The following TTC7A variants were observed in gnomAD, a reference collection of about 807,000 sequenced individuals.
The protein encoded by TTC7A is tetratricopeptide repeat protein 7A.
TTC7A carries 110 observed loss-of-function variants against 103.7 expected under a neutral mutation model. That is an observed-to-expected ratio of 1.06 (90% CI 0.91 to 1.24). The LOEUF (loss-of-function observed/expected upper bound fraction) is 1.24. Ranked by LOEUF, TTC7A falls within the 50% of genes most tolerant of loss-of-function variation. The probability of loss-of-function intolerance (pLI) is 0.00; values close to 1 mark genes in which losing one functional copy is unlikely to be tolerated. For missense variants in TTC7A, 1,340 were observed against 1,116.3 expected, an observed-to-expected ratio of 1.20 and a Z score of -2.86; for synonymous variants, 521 against 467.9, an observed-to-expected ratio of 1.11 and a Z score of -1.47.
At chr2:47,028,649 G>A (rs1479940644) in intron 14 of TTC7A, among the ~76,000 whole-genome samples, 1 of 152,180 alleles carries the variant, frequency 6.6e-6, no homozygotes, top group Non-Finnish European at 1.5e-5. Context: ...TCCTGACCCT[G>A]CATAATCTGG....
At chr2:47,026,246 T>C (rs1679903217) in intron 14 of TTC7A, among the ~76,000 whole-genome samples, 1 of 152,078 alleles carries the variant, frequency 6.6e-6, no homozygotes, top group African/African-American at 2.4e-5. Context: ...GTGATGGCTG[T>C]GGATTTGGAT....
At chr2:46,924,236 CAAAA>C (rs754779483) in intron 2 of TTC7A, among the ~76,000 whole-genome samples, 61 of 142,624 alleles carry the variant, frequency 4.3e-4, no homozygotes, top group Non-Finnish European at 8.2e-4. Flanking sequence ...CTAAAGGAAC[CAAAA>C]AAAAAAAATC....
intron 1 of TTC7A, among the ~76,000 whole-genome samples, chr2:46,948,290 C>CT (rs34728010): frequency 6.6e-6 from 1 of 152,174 alleles, no homozygotes; most frequent in East Asian, 1.9e-4. Context: ...CAGGGAGCAA[C>CT]TTTCCCCAAG....
intron 3 of TTC7A, among the ~76,000 whole-genome samples, chr2:46,972,513 G>A (rs993363793): frequency 6.6e-6 from 1 of 152,158 alleles, no homozygotes; most frequent in Non-Finnish European, 1.5e-5. Flanking sequence ...TCTGGTACCA[G>A]CTTAACAACC....
chr2:47,027,118 G>T (rs958483787), intron 14 of TTC7A, among the ~76,000 whole-genome samples: 2 of 152,202 alleles, frequency 1.3e-5, no homozygotes, highest in Admixed American at 1.3e-4. Flanking sequence ...TTCCAGACCT[G>T]GTCACAGCCT....
At chr2:46,964,534 C>T (rs975932422) in intron 3 of TTC7A, among the ~76,000 whole-genome samples, 20 of 152,146 alleles carry the variant, frequency 1.3e-4, no homozygotes, top group African/African-American at 4.3e-4. Context: ...TCAGGCTCAC[C>T]TATGGTTCAG....
intron 10 of TTC7A, among the ~76,000 whole-genome samples, chr2:47,010,440 G>A (rs528479264): frequency 1.3e-5 from 2 of 152,328 alleles, no homozygotes; most frequent in African/African-American, 4.8e-5. Context: ...AGTGTTTGCT[G>A]CTGCTGTTCT....
chr2:46,945,237 G>A (rs1251085156), intron 1 of TTC7A, among the ~76,000 whole-genome samples: 1 of 152,114 alleles, frequency 6.6e-6, no homozygotes, highest in Admixed American at 6.6e-5. Flanking sequence ...GGGATCACAG[G>A]TGTGTATGCC....
chr2:46,992,234 G>A (rs1675706262), intron 5 of TTC7A, among the ~76,000 whole-genome samples: 3 of 152,230 alleles, frequency 2.0e-5, no homozygotes, highest in Admixed American at 2.0e-4. Flanking sequence ...GGAGCTGCTG[G>A]GTGGAGCTTT....
intron 19 of TTC7A, among the ~76,000 whole-genome samples, chr2:47,062,479 C>G (rs535798071): frequency 3.5e-4 from 53 of 152,330 alleles, no homozygotes; most frequent in African/African-American, 1.2e-3. Context: ...AAGAGGCTTC[C>G]TCCTTCCTCC....
chr2:46,974,725 G>A (rs1673684697), intron 3 of TTC7A: 7 of 588,684 alleles, frequency 1.2e-5, no homozygotes, highest in East Asian at 3.8e-5. Flanking sequence ...GTCAGGAGTG[G>A]CTTCCCCGGG....
intron 3 of TTC7A, among the ~76,000 whole-genome samples, chr2:46,967,282 G>A (rs559538098): frequency 3.9e-5 from 6 of 152,132 alleles, no homozygotes; most frequent in South Asian, 2.1e-4. Context: ...CGTACAGTTC[G>A]GTACTAAGAC....
intron 3 of TTC7A, among the ~76,000 whole-genome samples, chr2:46,958,820 G>A (rs1039537839): frequency 6.6e-5 from 10 of 152,212 alleles, no homozygotes; most frequent in Non-Finnish European, 1.0e-4. Flanking sequence ...CCCATGCAGA[G>A]TAGAGGCCAC....
intron 2 of TTC7A, among the ~76,000 whole-genome samples, chr2:46,919,585 A>G (rs116624303): frequency 0.012 from 1,809 of 152,304 alleles, 41 homozygotes; most frequent in African/African-American, 0.042. Flanking sequence ...CTATACATGA[A>G]ATTGATCAGA....
chr2:47,001,359 C>T (rs558343832), intron 8 of TTC7A, among the ~76,000 whole-genome samples: 2 of 152,288 alleles, frequency 1.3e-5, no homozygotes, highest in East Asian at 1.9e-4. Context: ...AGAGCTCAGG[C>T]AAGCAGCAGC....
chr2:47,050,155 C>G lies in TTC7A; in HGVS notation c.2017+109C>G, dbSNP rs112556892. 66 of 937,042 alleles carry G rather than the reference C, an allele frequency of 7.0e-5. No individual in the cohort carries two copies. In the African/African-American group the frequency reaches 7.9e-4, roughly 11 times the overall value. 58.0% of individuals were successfully genotyped at this position (937,042 alleles called of 1,614,324 possible). On this transcript the variant is annotated intron_variant, in intron 17 of 19. Coordinates refer to ENST00000319190, the MANE Select transcript of TTC7A (RefSeq NM_020458.4). ...CGGGCCCTCTCCCAGCCGGGCCAAG[C>G]CCACCACTGGCTCCTTGCCAGCTCG...
rs559337573 is a variant in TTC7A, at chr2:47,069,403, G to A, written c.2356-4299G>A. On this transcript the variant is annotated intron_variant, in intron 19 of 19. Transcript: ENST00000319190. ...AAGGACCCCAGAAGAGAAAGGGACAGGTACTCACTACCCCAGGAGACCCCC... is the reference window on the plus strand; with the variant it reads ...AAGGACCCCAGAAGAGAAAGGGACAAGTACTCACTACCCCAGGAGACCCCC... Among the ~76,000 whole-genome samples the A allele has an allele frequency of 4.0e-3, 616 of 152,310 alleles. 1 individual carries two copies. The highest frequency in any genetic ancestry group is 8.5e-3 in the South Asian group (41 of 4,824).
In TTC7A at chr2:47,060,907, C is replaced by T. The variant is rs1249927277; in HGVS notation, c.2291C>T (p.Ala764Val). 1 of 1,614,156 alleles carries T rather than the reference C, an allele frequency of 6.2e-7. No homozygotes were observed. The highest frequency in any genetic ancestry group is 8.5e-7 in the Non-Finnish European group (1 of 1,180,014). The change falls in exon 19 of 20, where the codon GCC (alanine) becomes GTC (valine). Residue 764 changes from alanine (A) to valine (V), a missense_variant. By Grantham distance (64) the Ala-to-Val change is moderately conservative. Coordinates refer to ENST00000319190, the MANE Select transcript of TTC7A (RefSeq NM_020458.4). ...GAGGTGAAGGGCAACCTGGAGGAGG[C>T]CAAGCAGCTGTACAAGGAGGCGCTC... ...LAEVKGNLEE[A>V]KQLYKEALTV...
chr2:47,061,747 A>G (rs1361042274), intron 19 of TTC7A, among the ~76,000 whole-genome samples: 1 of 152,234 alleles, frequency 6.6e-6, no homozygotes, highest in African/African-American at 2.4e-5. Context: ...ACCAGCTCTG[A>G]CAGGTGATAT....
Sources: allele counts gnomAD v4.1 joint callset (sites outside exome capture counted in the v4.1 genomes callset), GRCh38; gene constraint gnomAD v4.1.1; transcripts MANE v1.5; gene names NCBI Gene and HGNC (gene_info 2026-07-23, HGNC 2026-07-21).